RFX3: variants seen among roughly 807,000 people sequenced by gnomAD.
RFX3 encodes regulatory factor X3.
A neutral mutation model predicts 98.6 loss-of-function variants in RFX3; 14 were observed. That is an observed-to-expected ratio of 0.14 (90% CI 0.09 to 0.22). RFX3 has a LOEUF of 0.22. RFX3 is among the 10% of genes least tolerant of loss of function. The probability of loss-of-function intolerance (pLI) is 1.00; values close to 1 mark genes in which losing one functional copy is unlikely to be tolerated. For synonymous variants in RFX3, 383 were observed against 328.4 expected, an observed-to-expected ratio of 1.17 and a Z score of -1.80; for missense variants, 639 against 926.9, an observed-to-expected ratio of 0.69 and a Z score of 4.03.
chr9:3,515,597 A>G (rs1331954037), intron 1 of RFX3, among the ~76,000 whole-genome samples: 2 of 152,190 alleles, frequency 1.3e-5, no homozygotes, highest in African/African-American at 4.8e-5. Context: ...TCCTAAATGT[A>G]TCTGCTTTTC....
chr9:3,395,181 A>C (rs910035470), intron 2 of RFX3, among the ~76,000 whole-genome samples: 17 of 152,336 alleles, frequency 1.1e-4, no homozygotes, highest in African/African-American at 3.8e-4. Flanking sequence ...AGAAGGAGAA[A>C]ACTTTGAGTG....
chr9:3,495,355 T>C (rs965343294), intron 1 of RFX3, among the ~76,000 whole-genome samples: 10 of 152,006 alleles, frequency 6.6e-5, no homozygotes, highest in African/African-American at 2.4e-4. Context: ...TACTGTACCA[T>C]CCATAAGTCA....
At chr9:3,283,088 T>G (rs1004842270) in intron 7 of RFX3, among the ~76,000 whole-genome samples, 2 of 151,730 alleles carry the variant, frequency 1.3e-5, no homozygotes, top group African/African-American at 4.8e-5. Flanking sequence ...TAGAAAAGAT[T>G]ATCATTACAT....
intron 1 of RFX3, among the ~76,000 whole-genome samples, chr9:3,502,116 G>T (rs891386182): frequency 6.6e-6 from 1 of 151,424 alleles, no homozygotes; most frequent in Non-Finnish European, 1.5e-5. Context: ...AAAATTAGCC[G>T]GGCGTAGTGG....
At chr9:3,305,448 T>C (rs1488324211) in intron 4 of RFX3, among the ~76,000 whole-genome samples, 1 of 151,914 alleles carries the variant, frequency 6.6e-6, no homozygotes, top group South Asian at 2.1e-4. Context: ...TGCTTGTGGA[T>C]TGAATAGAAG....
intron 1 of RFX3, among the ~76,000 whole-genome samples, chr9:3,441,841 C>A (rs1401256084): frequency 6.6e-6 from 1 of 152,084 alleles, no homozygotes; most frequent in Non-Finnish European, 1.5e-5. Context: ...ACCCTCCCCT[C>A]CTTGGGCATA....
At chr9:3,422,405 G>T (rs1843528134) in intron 1 of RFX3, among the ~76,000 whole-genome samples, 1 of 152,168 alleles carries the variant, frequency 6.6e-6, no homozygotes, top group Non-Finnish European at 1.5e-5. Context: ...ATGACCTAAA[G>T]TCAAACACAG....
intron 4 of RFX3, among the ~76,000 whole-genome samples, chr9:3,319,950 T>C (rs1180570236): frequency 6.6e-6 from 1 of 151,948 alleles, no homozygotes; most frequent in Non-Finnish European, 1.5e-5. Flanking sequence ...GCTCTAAAAA[T>C]TTCAAATGAA....
chr9:3,225,662 G>A (rs1222567459), intron 16 of RFX3, among the ~76,000 whole-genome samples: 3 of 151,942 alleles, frequency 2.0e-5, no homozygotes, highest in Admixed American at 6.6e-5. Context: ...AGCTGAAAAC[G>A]CAAACACAAA....
intron 1 of RFX3, among the ~76,000 whole-genome samples, chr9:3,416,500 G>C (rs1842993994): frequency 1.3e-5 from 2 of 152,026 alleles, no homozygotes; most frequent in African/African-American, 4.8e-5. Flanking sequence ...TCTTATTAGG[G>C]GGAAAAAAAG....
intron 1 of RFX3, among the ~76,000 whole-genome samples, chr9:3,433,099 A>T (rs1844797561): frequency 6.6e-6 from 1 of 152,108 alleles, no homozygotes; most frequent in Admixed American, 6.6e-5. Flanking sequence ...GGCCCCATAC[A>T]TGTGGGTTGT....
At chr9:3,256,452 A>C (rs1822162296) in intron 14 of RFX3, among the ~76,000 whole-genome samples, 1 of 152,010 alleles carries the variant, frequency 6.6e-6, no homozygotes, top group Non-Finnish European at 1.5e-5. Context: ...GAATCAACTT[A>C]AGTACTTTTT....
intron 1 of RFX3, among the ~76,000 whole-genome samples, chr9:3,460,971 T>C (rs981332132): frequency 6.6e-6 from 1 of 151,854 alleles, no homozygotes; most frequent in Admixed American, 6.6e-5. Flanking sequence ...CCAATTATTT[T>C]TCTTATAAGA....
At chr9:3,305,738 G>A (rs1829223523) in intron 4 of RFX3, among the ~76,000 whole-genome samples, 1 of 152,016 alleles carries the variant, frequency 6.6e-6, no homozygotes, top group South Asian at 2.1e-4. Flanking sequence ...TAGAGGGACA[G>A]AGGAATAGTG....
chr9:3,325,046 C>A (rs766909700), intron 4 of RFX3, among the ~76,000 whole-genome samples: 3 of 152,016 alleles, frequency 2.0e-5, no homozygotes, highest in African/African-American at 7.2e-5. Context: ...AATTGGGAAA[C>A]GGGTGAGAGA....
In RFX3 at chr9:3,420,868, G is replaced by A. The variant is rs976898940; in HGVS notation, c.-8-25272C>T. The A allele has an allele frequency of 4.3e-5, 42 of 984,726 alleles. No individual in the cohort carries two copies. The African/African-American group carries it at 7.0e-4, about 16-fold the overall frequency. The allele number at this position is 984,726 out of a possible 1,614,324, so 61.0% of individuals were successfully genotyped here. On this transcript the variant is annotated intron_variant, in intron 1 of 16. Coordinates refer to ENST00000617270, the MANE Select transcript of RFX3 (RefSeq NM_001282116.2). ...TGTCCATTTAAATCCCTTAGATCCT[G>A]ATCTGCACAACCAAAGATATCCTTG... is the stretch of plus-strand genomic sequence containing the variant.
chr9:3,375,612 C>A (rs1838370453), intron 2 of RFX3, among the ~76,000 whole-genome samples: 1 of 152,124 alleles, frequency 6.6e-6, no homozygotes, highest in South Asian at 2.1e-4. Context: ...TTTTAAGTTA[C>A]AATTTTAAAA....
chr9:3,349,612 T>G (rs967330696), intron 2 of RFX3, among the ~76,000 whole-genome samples: 3 of 152,114 alleles, frequency 2.0e-5, no homozygotes, highest in African/African-American at 7.2e-5. Context: ...CCATTTTCAC[T>G]ATGTTTAGGT....
At chr9:3,493,703 AT>A (rs1564172572) in intron 1 of RFX3, among the ~76,000 whole-genome samples, 5,393 of 76,098 alleles carry the variant, frequency 0.071, 154 homozygotes, top group Non-Finnish European at 0.092. Flanking sequence ...AAAAAAAAAT[AT>A]ATATATATAT....
Sources: gnomAD v4.1 joint callset for allele counts (sites outside exome capture counted in the v4.1 genomes callset) on GRCh38, gnomAD v4.1.1 for gene constraint, MANE v1.5 for transcripts, NCBI Gene and HGNC (gene_info 2026-07-23, HGNC 2026-07-21) for gene names.